MAGI1: variants seen among roughly 807,000 people sequenced by gnomAD.
MAGI1 encodes membrane associated guanylate kinase, WW and PDZ domain containing 1.
A neutral mutation model predicts 139.9 loss-of-function variants in MAGI1; 58 were observed. That is an observed-to-expected ratio of 0.41 (90% CI 0.34 to 0.52). MAGI1 has a LOEUF of 0.52. MAGI1 is among the 20% of genes least tolerant of loss of function. MAGI1 has a pLI of 0.12. For missense variants in MAGI1, 1,874 were observed against 1,901.6 expected, an observed-to-expected ratio of 0.99 and a Z score of 0.27; for synonymous variants, 812 against 737.9, an observed-to-expected ratio of 1.10 and a Z score of -1.63.
chr3:65,833,893 C>T (rs1382465686), intron 1 of MAGI1, among the ~76,000 whole-genome samples: 1 of 152,170 alleles, frequency 6.6e-6, no homozygotes, highest in Non-Finnish European at 1.5e-5. Context: ...AGTTTATGAA[C>T]TTTCACAAGC....
At chr3:65,499,002 A>G in intron 2 of MAGI1, 1 of 985,176 alleles carries the variant, frequency 1.0e-6, no homozygotes, top group Non-Finnish European at 1.2e-6. Flanking sequence ...AATAAGAACA[A>G]GAAACATACT....
intron 2 of MAGI1, among the ~76,000 whole-genome samples, chr3:65,583,032 A>G (rs980876285): frequency 8.5e-5 from 13 of 152,192 alleles, no homozygotes; most frequent in African/African-American, 3.1e-4. Flanking sequence ...CTCTAACCCA[A>G]TATATCCAAA....
At chr3:65,573,664 T>C (rs2081056288) in intron 2 of MAGI1, among the ~76,000 whole-genome samples, 1 of 152,118 alleles carries the variant, frequency 6.6e-6, no homozygotes, top group Admixed American at 6.6e-5. Flanking sequence ...GAATGTTTTT[T>C]CCCTAAAATT....
At chr3:65,374,150 T>C (rs905449297) in intron 18 of MAGI1, among the ~76,000 whole-genome samples, 7 of 152,252 alleles carry the variant, frequency 4.6e-5, no homozygotes, top group African/African-American at 1.7e-4. Context: ...TTTTAGAATA[T>C]ATATTTTATA....
At chr3:66,033,396 C>T (rs185125579) in intron 1 of MAGI1, among the ~76,000 whole-genome samples, 2 of 152,268 alleles carry the variant, frequency 1.3e-5, no homozygotes, top group African/African-American at 4.8e-5. Context: ...CGCGTCTCTT[C>T]CCAACTCCAG....
chr3:65,918,374 A>G (rs2062008141), intron 1 of MAGI1, among the ~76,000 whole-genome samples: 2 of 138,874 alleles, frequency 1.4e-5, no homozygotes, highest in African/African-American at 5.6e-5. Context: ...CTCTTGCTCC[A>G]AAACATTTTT....
intron 1 of MAGI1, among the ~76,000 whole-genome samples, chr3:65,771,562 T>C (rs956856871): frequency 3.9e-5 from 6 of 152,200 alleles, no homozygotes; most frequent in African/African-American, 1.4e-4. Context: ...TGTTTAAAAC[T>C]AGCTATCAAA....
In MAGI1 at chr3:65,356,480, C is replaced by G. The variant is rs970273261; in HGVS notation, c.4287G>C (p.Arg1429Ser). 1 of 1,611,798 alleles carries G rather than the reference C, an allele frequency of 6.2e-7. No individual in the cohort carries two copies. The highest frequency in any genetic ancestry group is 1.7e-5 in the Admixed American group (1 of 59,988). ...CATCCTGTTTCAGATTCGCCTCTTC[C>G]CTTTCTCGGTGGCTGGCTCTGTCCT... ...NREDRASHREREEANLKQDAG... is the reference protein window; with the variant it reads ...NREDRASHRESEEANLKQDAG... The change falls in exon 23 of 23, where the codon AGG (arginine) becomes AGC (serine). Residue 1429 changes from arginine to serine, a missense_variant. Physicochemically the swap from Arg to Ser is moderately radical, Grantham distance 110. Transcript: ENST00000402939.
chr3:65,753,831 T>C (rs2036355169), intron 1 of MAGI1, among the ~76,000 whole-genome samples: 1 of 151,956 alleles, frequency 6.6e-6, no homozygotes, highest in Non-Finnish European at 1.5e-5. Context: ...TCCCAGGAAG[T>C]AATATCCAGG....
In MAGI1 at chr3:65,908,497, G is replaced by A. The variant is rs576886034; in HGVS notation, c.313+129499C>T. 2.0e-4 allele frequency among the ~76,000 whole-genome samples: 30 copies of A among 152,252 alleles called. 1 individual carries two copies. Among genetic ancestry groups the A allele is most frequent in the African/African-American group, 6.0e-4 (25 of 41,544 alleles). ...GACAGGGTTTCACCATCTTGGCCAG[G>A]CTGGTCTTGAACTCCTGACTTCGTG... On this transcript the variant is annotated intron_variant, in intron 1 of 22. Coordinates refer to ENST00000402939, the MANE Select transcript of MAGI1 (RefSeq NM_001033057.2).
At chr3:65,620,840 A>G (rs1377424705) in intron 2 of MAGI1, among the ~76,000 whole-genome samples, 3 of 152,140 alleles carry the variant, frequency 2.0e-5, no homozygotes, top group Non-Finnish European at 4.4e-5. Context: ...TAATGAGTAA[A>G]ATGGAAAGCC....
intron 1 of MAGI1, among the ~76,000 whole-genome samples, chr3:65,665,639 T>C (rs1172885764): frequency 1.3e-5 from 2 of 152,166 alleles, no homozygotes; most frequent in Non-Finnish European, 2.9e-5. Flanking sequence ...CCTTAGCAGA[T>C]CAGTATTTGC....
At chr3:65,409,633 A>AT (rs34549703) in intron 12 of MAGI1, among the ~76,000 whole-genome samples, 47,317 of 150,270 alleles carry the variant, frequency 0.31, 8,205 homozygotes, top group South Asian at 0.47. Context: ...AACATGTTTC[A>AT]TTTTTTTTTT....
intron 1 of MAGI1, among the ~76,000 whole-genome samples, chr3:65,770,538 G>C (rs927845931): frequency 6.6e-6 from 1 of 152,144 alleles, no homozygotes; most frequent in African/African-American, 2.4e-5. Context: ...AATGATACCT[G>C]TGTGCCTCAA....
In MAGI1 at chr3:65,477,714, T is replaced by TTATTATTATTATTA. The variant is rs745836102; in HGVS notation, c.757+877_757+878insTAATAATAATAATA. Among the ~76,000 whole-genome samples, 6 of 107,340 alleles carry TTATTATTATTATTA rather than the reference T, an allele frequency of 5.6e-5. No individual in the cohort carries two copies. In the South Asian group the frequency reaches 1.1e-3, roughly 20 times the overall value. The allele number at this position is 107,340 out of a possible 152,430, so 70.4% of individuals were successfully genotyped here. A position where few individuals can be genotyped will look rare whatever the true frequency, so the allele number is the denominator to read the frequency against. ...CAACATTATTATTATTATTATTATT[T>TTATTATTATTATTA]TTTTTTTTTTATTTATATTTTTTGA... On this transcript the variant is annotated intron_variant, in intron 4 of 22. Coordinates refer to ENST00000402939, the MANE Select transcript of MAGI1 (RefSeq NM_001033057.2).
chr3:65,962,253 G>A (rs988880405), intron 1 of MAGI1, among the ~76,000 whole-genome samples: 8 of 151,354 alleles, frequency 5.3e-5, no homozygotes, highest in Non-Finnish European at 1.0e-4. Context: ...TGAGTAGCTG[G>A]GACTACAGGC....
At chr3:65,976,835 G>A (rs187851198) in intron 1 of MAGI1, among the ~76,000 whole-genome samples, 6 of 152,272 alleles carry the variant, frequency 3.9e-5, no homozygotes, top group Admixed American at 2.6e-4. Context: ...TCGTAAATTA[G>A]CAGAAGCTTT....
intron 1 of MAGI1, among the ~76,000 whole-genome samples, chr3:65,921,070 T>TA (rs1222745538): frequency 6.6e-6 from 1 of 152,080 alleles, no homozygotes; most frequent in Non-Finnish European, 1.5e-5. Context: ...AGTTTTTAGT[T>TA]ACAATTGACG....
chr3:65,452,245 C>T (rs956806189), intron 6 of MAGI1, among the ~76,000 whole-genome samples: 7 of 152,094 alleles, frequency 4.6e-5, no homozygotes, highest in African/African-American at 7.2e-5. Context: ...TGTCATTTAA[C>T]GTAATCTGCA....
Sources: gnomAD v4.1 joint callset for allele counts (sites outside exome capture counted in the v4.1 genomes callset) on GRCh38, gnomAD v4.1.1 for gene constraint, MANE v1.5 for transcripts, NCBI Gene and HGNC (gene_info 2026-07-23, HGNC 2026-07-21) for gene names.